TANC1: variants seen among roughly 807,000 people sequenced by gnomAD.
The protein encoded by TANC1 is protein TANC1.
TANC1 carries 77 observed loss-of-function variants against 149.7 expected under a neutral mutation model. The ratio of observed to expected loss-of-function variants is 0.51; its 90% CI spans 0.43 to 0.62. The LOEUF is 0.62. TANC1 is among the 20% of genes least tolerant of loss of function. The pLI, the probability that TANC1 is intolerant of heterozygous loss-of-function variation, is 0.00. For synonymous variants in TANC1, 854 were observed against 925.0 expected (o/e 0.92, Z 1.39); for missense variants, 1,985 against 2,321.8 (o/e 0.85, Z 2.98).
chr2:159,080,000 G>C (rs969008002), intron 3 of TANC1, among the ~76,000 whole-genome samples: 1 of 152,186 alleles, frequency 6.6e-6, no homozygotes, highest in African/African-American at 2.4e-5. Flanking sequence ...AAATGTTTCT[G>C]GGAAATTCCC....
chr2:159,190,936 G>A (rs1395470508), intron 16 of TANC1, among the ~76,000 whole-genome samples: 3 of 152,242 alleles, frequency 2.0e-5, no homozygotes, highest in Non-Finnish European at 4.4e-5. Context: ...TAAAAAGCAA[G>A]CCTATATAGA....
chr2:159,124,876 C>A (rs2150119159), intron 4 of TANC1, among the ~76,000 whole-genome samples: 1 of 121,206 alleles, frequency 8.3e-6, no homozygotes, highest in East Asian at 3.0e-4. Flanking sequence ...CCCTCCTCAC[C>A]AAGTACAGGC....
intron 22 of TANC1, among the ~76,000 whole-genome samples, chr2:159,223,381 A>C (rs1459258845): frequency 6.6e-6 from 1 of 152,072 alleles, no homozygotes; most frequent in African/African-American, 2.4e-5. Flanking sequence ...CTTGTTGATC[A>C]TTTTTGTAGA....
Position 159,214,591 on chromosome 2 carries a change from A to G in TANC1, c.3245-2906A>G, listed in dbSNP as rs567912827. Among the ~76,000 whole-genome samples, 6 of 152,344 alleles carry G rather than the reference A, an allele frequency of 3.9e-5. No homozygotes were observed. The South Asian group carries it at 8.3e-4, about 21-fold the overall frequency. ...CCTCCTTGGAGAGCTGCAAGGGACTATGTCCCAGTGCATGTGAAGGACTGT... is the reference window on the plus strand; with the variant it reads ...CCTCCTTGGAGAGCTGCAAGGGACTGTGTCCCAGTGCATGTGAAGGACTGT... On this transcript the variant is annotated intron_variant, in intron 19 of 26. Coordinates refer to ENST00000263635, the MANE Select transcript of TANC1 (RefSeq NM_033394.3).
intron 3 of TANC1, among the ~76,000 whole-genome samples, chr2:159,078,431 T>C (rs921312454): frequency 1.3e-5 from 2 of 152,224 alleles, no homozygotes; most frequent in Admixed American, 6.5e-5. Context: ...TGAAAAGATA[T>C]ATGTAAGTCA....
At chr2:159,141,335 G>A (rs189346162) in intron 5 of TANC1, among the ~76,000 whole-genome samples, 1 of 152,344 alleles carries the variant, frequency 6.6e-6, no homozygotes, top group East Asian at 1.9e-4. Flanking sequence ...GAGTAGGATG[G>A]AGTGGGACTG....
At position 159,170,648 on chromosome 2, in the gene TANC1, C is replaced by T; in HGVS notation, c.1194C>T (p.Asn398=). The change falls in exon 10 of 27, where the codon AAC becomes AAT. Residue 398 remains asparagine, a synonymous_variant. Transcript: ENST00000263635. ...RDWLFHQIEE[N]LRNTELAENR... Reference sequence around the variant, plus strand: ...GGCTCTTTCACCAGATAGAAGAAAACTTGAGGAACACAGAACTGGCAGAAA... The same window carrying T: ...GGCTCTTTCACCAGATAGAAGAAAATTTGAGGAACACAGAACTGGCAGAAA... The T allele has an allele frequency of 6.2e-7, 1 of 1,614,078 alleles. No individual in the cohort carries two copies.
chr2:159,108,459 C>T (rs961639359), intron 4 of TANC1, among the ~76,000 whole-genome samples: 1 of 152,214 alleles, frequency 6.6e-6, no homozygotes, highest in Non-Finnish European at 1.5e-5. Context: ...AACCCAGTAC[C>T]ATGCTCAGAA....
At chr2:159,219,432 G>A (rs1180307409) in intron 21 of TANC1, 71 bp downstream of exon 21, 1 of 1,587,650 alleles carries the variant, frequency 6.3e-7, no homozygotes. Context: ...CCCATTCAGT[G>A]CTTTCTGATT....
intron 2 of TANC1, among the ~76,000 whole-genome samples, chr2:159,058,462 C>CT (rs60844609): frequency 3.9e-5 from 6 of 151,908 alleles, no homozygotes; most frequent in Non-Finnish European, 8.8e-5. Flanking sequence ...CATTTAAAGA[C>CT]TTTTTTTTTA....
chr2:159,004,238 A>C, intron 2 of TANC1: 1 of 1,612,284 alleles, frequency 6.2e-7, no homozygotes, highest in South Asian at 1.1e-5. Context: ...AAGCACCAAA[A>C]CCAGAAGACA....
chr2:159,113,981 A>G (rs1033456856), intron 4 of TANC1, among the ~76,000 whole-genome samples: 5 of 152,198 alleles, frequency 3.3e-5, no homozygotes, highest in African/African-American at 4.8e-5. Flanking sequence ...TGACCCATCT[A>G]CAGCTTCTGT....
intron 3 of TANC1, among the ~76,000 whole-genome samples, chr2:159,078,921 T>A (rs1016135284): frequency 4.6e-5 from 7 of 152,226 alleles, no homozygotes; most frequent in Admixed American, 1.3e-4. Context: ...AATATTTTTT[T>A]AAAAAACTTC....
intron 2 of TANC1, among the ~76,000 whole-genome samples, chr2:159,018,594 G>T (rs1341250318): frequency 1.3e-5 from 2 of 152,140 alleles, no homozygotes; most frequent in Non-Finnish European, 2.9e-5. Flanking sequence ...TCCATCTCCA[G>T]AACTTTTTTA....
rs548241001 is a variant in TANC1, at chr2:159,092,005, T to C, written c.62-5632T>C. Among the ~76,000 whole-genome samples, 3 of 152,068 alleles carry C rather than the reference T, an allele frequency of 2.0e-5. No homozygotes were observed. In the South Asian group the frequency reaches 6.2e-4, roughly 32 times the overall value. ...GTATGTATGTAGAGTTATGTGGTTA[T>C]ACAACCTTTAAGAAACATTAGTGCA... On this transcript the variant is annotated intron_variant, in intron 3 of 26. Coordinates refer to ENST00000263635, the MANE Select transcript of TANC1 (RefSeq NM_033394.3).
intron 2 of TANC1, among the ~76,000 whole-genome samples, chr2:159,029,677 C>T (rs569074336): frequency 1.3e-5 from 2 of 152,292 alleles, no homozygotes; most frequent in East Asian, 3.9e-4. Context: ...AGTCCTCCCA[C>T]GTCAGTCTCC....
intron 3 of TANC1, among the ~76,000 whole-genome samples, chr2:159,068,466 T>C (rs1218609178): frequency 6.6e-6 from 1 of 152,242 alleles, no homozygotes; most frequent in Non-Finnish European, 1.5e-5. Flanking sequence ...TTTCATGTCC[T>C]TTATAGGTTG....
intron 17 of TANC1, 75 bp from the exon 18 acceptor site, chr2:159,196,533 C>G: frequency 7.4e-7 from 1 of 1,343,006 alleles, no homozygotes. Context: ...GGTTTGCACA[C>G]AGCTAGGTGG....
In TANC1 at chr2:159,229,910, T is replaced by C; in HGVS notation, c.4484T>C (p.Leu1495Ser). The change falls in exon 27 of 27, where the codon TTA becomes TCA. Residue 1495 changes from leucine (L) to serine (S), a missense_variant. This residue lies in a region of TANC1 where 920 missense variants were observed against 994.7 expected (regional missense o/e 0.92). Coordinates refer to ENST00000263635, the MANE Select transcript of TANC1 (RefSeq NM_033394.3). Reference sequence around the variant, plus strand: ...TACATCCGAAACCTTCAAGAAGGGTTACAGTCCAAAGGAAGGCCGGTATCG... The same window carrying C: ...TACATCCGAAACCTTCAAGAAGGGTCACAGTCCAAAGGAAGGCCGGTATCG... ...SSYIRNLQEG[L>S]QSKGRPVSPQ... is the part of the protein sequence containing the mutation. The C allele has an allele frequency of 6.2e-7, 1 of 1,614,050 alleles. No homozygotes were observed. Among genetic ancestry groups the C allele is most frequent in the Non-Finnish European group, 8.5e-7 (1 of 1,180,048 alleles).
Sources: allele counts gnomAD v4.1 joint callset (sites outside exome capture counted in the v4.1 genomes callset), GRCh38; gene constraint gnomAD v4.1.1; regional missense constraint gnomAD v4.1.1; transcripts MANE v1.5; gene names NCBI Gene and HGNC (gene_info 2026-07-23, HGNC 2026-07-21).